Variants in PLN observed in about 807,000 individuals in gnomAD.
PLN encodes the protein phospholamban.
PLN carries 1 observed loss-of-function variant against 3.9 expected under a neutral mutation model. The ratio of observed to expected loss-of-function variants is 0.26; its 90% CI spans 0.09 to 1.23. The LOEUF (loss-of-function observed/expected upper bound fraction) is 1.23. Among genes scored for constraint, PLN ranks in the 50% most tolerant of loss-of-function variants. The pLI is 0.48. For missense variants in PLN, 59 were observed against 62.7 expected (o/e 0.94, Z 0.20); for synonymous variants, 21 against 20.5 (o/e 1.02, Z -0.07).
chr6:118,553,274 T>TA (rs762008259), intron 1 of PLN, among the ~76,000 whole-genome samples: 18 of 147,156 alleles, frequency 1.2e-4, no homozygotes, highest in Non-Finnish European at 1.8e-4. Flanking sequence ...AAGAGAATGA[T>TA]AAACATCTGA....
At position 118,561,572 on chromosome 6, in the gene PLN, A is replaced by G. The variant is rs1214172806; in HGVS notation, c.*2492A>G. On this transcript the variant is annotated 3_prime_UTR_variant, in exon 2 of 2. Coordinates refer to ENST00000357525, the MANE Select transcript of PLN (RefSeq NM_002667.5). Reference sequence around the variant, plus strand: ...ATGCTCAAATATGTTCTACTATAGAATAAGTTCTTATCTTAATTTACAGGG... The same window carrying G: ...ATGCTCAAATATGTTCTACTATAGAGTAAGTTCTTATCTTAATTTACAGGG... Among the ~76,000 whole-genome samples the G allele has an allele frequency of 6.6e-6, 1 of 152,132 alleles. No homozygotes were observed. Among genetic ancestry groups the G allele is most frequent in the Admixed American group, 6.5e-5 (1 of 15,280 alleles).
Position 118,559,221 on chromosome 6 carries a change from T to C in PLN, c.*141T>C. The C allele has an allele frequency of 1.3e-6, 1 of 762,348 alleles. No homozygotes were observed. Among genetic ancestry groups the C allele is most frequent in the Non-Finnish European group, 2.4e-6 (1 of 413,626 alleles). 47.2% of individuals were successfully genotyped at this position (762,348 alleles called of 1,614,324 possible). A position where few individuals can be genotyped will look rare whatever the true frequency, so the allele number is the denominator to read the frequency against. The stretch of plus-strand genomic sequence containing the variant: ...TTTGTGAAAAGGTCAAGATTAAGAC[T>C]AAAACTTATTGTTACCATATGTATT... On this transcript the variant is annotated 3_prime_UTR_variant, in exon 2 of 2. Transcript: ENST00000357525.
rs1410627236 is a variant in PLN at position 118,561,468 on chromosome 6, TTAAA to T, written c.*2392_*2395del. 2.0e-5 allele frequency among the ~76,000 whole-genome samples: 3 copies of T among 152,106 alleles called. No homozygotes were observed. Among genetic ancestry groups the T allele is most frequent in the Admixed American group, 6.5e-5 (1 of 15,270 alleles). On this transcript the variant is annotated 3_prime_UTR_variant, in exon 2 of 2. Transcript: ENST00000357525. Reference sequence around the variant, plus strand: ...CAAATTATAAAGTAGAATAAACTCTTTAAATAATTATTCTTCATCATAAAGTGTA... The same window carrying T: ...CAAATTATAAAGTAGAATAAACTCTTTAATTATTCTTCATCATAAAGTGTA...
At position 118,559,233 on chromosome 6, in the gene PLN, T is replaced by C. The variant is rs1481059075; in HGVS notation, c.*153T>C. On this transcript the variant is annotated 3_prime_UTR_variant, in exon 2 of 2. Transcript: ENST00000357525. Reference sequence around the variant, plus strand: ...TCAAGATTAAGACTAAAACTTATTGTTACCATATGTATTCATCTGTTGGAT... The same window carrying C: ...TCAAGATTAAGACTAAAACTTATTGCTACCATATGTATTCATCTGTTGGAT... 5.5e-6 allele frequency: 4 copies of C among 728,926 alleles called. No homozygotes were observed. The East Asian group carries it at 1.0e-4, about 18-fold the overall frequency. 45.2% of individuals were successfully genotyped at this position (728,926 alleles called of 1,614,324 possible).
chr6:118,554,632 G>C (rs1778745329), intron 1 of PLN, among the ~76,000 whole-genome samples: 1 of 152,130 alleles, frequency 6.6e-6, no homozygotes. Flanking sequence ...AATTGAAATT[G>C]TGCTATAATC....
At position 118,561,246 on chromosome 6, in the gene PLN, T is replaced by C. The variant is rs1282638279; in HGVS notation, c.*2166T>C. Among the ~76,000 whole-genome samples, 4 of 152,208 alleles carry C rather than the reference T, an allele frequency of 2.6e-5. No individual in the cohort carries two copies. The highest frequency in any genetic ancestry group is 9.6e-5 in the African/African-American group (4 of 41,456). The stretch of plus-strand genomic sequence containing the variant: ...AGGTGATACACTCACCTCACTGGTT[T>C]TAGTAAATTACCAATACAGAAAGTA... On this transcript the variant is annotated 3_prime_UTR_variant, in exon 2 of 2. Coordinates refer to ENST00000357525, the MANE Select transcript of PLN (RefSeq NM_002667.5).
intron 1 of PLN, among the ~76,000 whole-genome samples, chr6:118,551,888 T>C (rs1461778553): frequency 1.3e-5 from 2 of 152,034 alleles, no homozygotes; most frequent in African/African-American, 4.8e-5. Flanking sequence ...GAGTGAACTT[T>C]TGTAAGCCAA....
At position 118,558,658 on chromosome 6, in the gene PLN, CACAGAG is replaced by C. The variant is rs1314630868; in HGVS notation, c.-97-165_-97-160del. 9.7e-3 allele frequency among the ~76,000 whole-genome samples: 1,214 copies of C among 124,924 alleles called. 4 individuals carry two copies. The highest frequency in any genetic ancestry group is 0.015 in the Non-Finnish European group (928 of 60,372). 82.0% of individuals were successfully genotyped at this position (124,924 alleles called of 152,430 possible). A position where few individuals can be genotyped will look rare whatever the true frequency, so the allele number is the denominator to read the frequency against. On this transcript the variant is annotated intron_variant, in intron 1 of 1. Coordinates refer to ENST00000357525, the MANE Select transcript of PLN (RefSeq NM_002667.5). ...ACACACACACACACACACACACACACACAGAGAGAGAGAGAGAGAGAGAGAGAGAGG... is the reference window on the plus strand; with the variant it reads ...ACACACACACACACACACACACACACAGAGAGAGAGAGAGAGAGAGAGAGG...
chr6:118,552,539 T>C (rs1392029501), intron 1 of PLN, among the ~76,000 whole-genome samples: 1 of 151,974 alleles, frequency 6.6e-6, no homozygotes, highest in African/African-American at 2.4e-5. Flanking sequence ...TATAGTAGCT[T>C]CCACCAAACA....
intron 1 of PLN, among the ~76,000 whole-genome samples, chr6:118,551,885 C>T (rs1027519028): frequency 2.6e-5 from 4 of 151,982 alleles, no homozygotes; most frequent in African/African-American, 4.8e-5. Context: ...CTGGAGTGAA[C>T]TTTTGTAAGC....
rs794729210 is a variant in PLN, at chr6:118,559,052, T to C, written c.131T>C (p.Leu44Pro). The C allele has an allele frequency of 3.1e-6, 5 of 1,611,704 alleles. No homozygotes were observed. Among genetic ancestry groups the C allele is most frequent in the Non-Finnish European group, 4.2e-6 (5 of 1,177,724 alleles). ...NFCLILICLL[L>P]ICIIVMLL is the part of the protein sequence containing the mutation. ...TGTCTCATCTTAATATGTCTCTTGC[T>C]GATCTGTATCATCGTGATGCTTCTC... The change falls in exon 2 of 2, where the codon CTG (leucine) becomes CCG (proline). Residue 44 changes from leucine to proline, a missense_variant. Coordinates refer to ENST00000357525, the MANE Select transcript of PLN (RefSeq NM_002667.5).
intron 1 of PLN, among the ~76,000 whole-genome samples, chr6:118,558,472 T>C (rs922306655): frequency 6.6e-6 from 1 of 152,226 alleles, no homozygotes; most frequent in Admixed American, 6.5e-5. Flanking sequence ...CAGGAACTTA[T>C]GGAAGACACT....
intron 1 of PLN, among the ~76,000 whole-genome samples, chr6:118,555,072 A>G (rs2114948040): frequency 1.3e-5 from 2 of 152,320 alleles, no homozygotes; most frequent in Middle Eastern, 6.8e-3. Flanking sequence ...CATATGTTCA[A>G]ATAGGAATTA....
chr6:118,552,944 G>T (rs943235648), intron 1 of PLN, among the ~76,000 whole-genome samples: 1 of 151,808 alleles, frequency 6.6e-6, no homozygotes, highest in Admixed American at 6.6e-5. Flanking sequence ...AAGACAATTT[G>T]ATTTTAAAAT....
chr6:118,558,681 AGAGAGAGG>A (rs1434947802), intron 1 of PLN, 136 bp from the exon 2 acceptor site: 1 of 532,002 alleles, frequency 1.9e-6, no homozygotes, highest in Admixed American at 3.1e-5. Flanking sequence ...AGAGAGAGAG[AGAGAGAGG>A]GAGAGAGACT....
At chr6:118,556,664 A>G (rs368123977) in intron 1 of PLN, among the ~76,000 whole-genome samples, 2 of 152,224 alleles carry the variant, frequency 1.3e-5, no homozygotes, top group East Asian at 3.8e-4. Context: ...AGGAGAAAAT[A>G]AAATCTGACA....
intron 1 of PLN, among the ~76,000 whole-genome samples, chr6:118,554,214 G>A (rs564401089): frequency 5.3e-5 from 8 of 152,232 alleles, no homozygotes; most frequent in Non-Finnish European, 1.2e-4. Context: ...CTAGAGCCTG[G>A]GAAGTTGAGG....
intron 1 of PLN, among the ~76,000 whole-genome samples, chr6:118,551,169 T>C (rs902209977): frequency 6.6e-6 from 1 of 151,930 alleles, no homozygotes; most frequent in Non-Finnish European, 1.5e-5. Context: ...AGTCTCTTTG[T>C]ACAATTTCAA....
chr6:118,553,684 C>G (rs1778682743), intron 1 of PLN, among the ~76,000 whole-genome samples: 1 of 152,158 alleles, frequency 6.6e-6, no homozygotes, highest in Admixed American at 6.5e-5. Context: ...ACAAACTCTT[C>G]TTTTTCAATA....
Sources: allele counts gnomAD v4.1 joint callset (sites outside exome capture counted in the v4.1 genomes callset), GRCh38; gene constraint gnomAD v4.1.1; transcripts MANE v1.5; gene names NCBI Gene and HGNC (gene_info 2026-07-23, HGNC 2026-07-21).